The following SATB2 variants were observed in gnomAD, a reference collection of about 807,000 sequenced individuals.
SATB2 encodes DNA-binding protein SATB2.
Under a neutral mutation model 73.4 loss-of-function variants are expected in SATB2, and 1 was observed. The ratio of observed to expected loss-of-function variants is 0.01; its 90% CI spans 0.00 to 0.06. The LOEUF is 0.06. Among genes scored for constraint, SATB2 ranks in the 10% least tolerant of loss-of-function variants. The probability of loss-of-function intolerance (pLI) is 1.00; values close to 1 mark genes in which losing one functional copy is unlikely to be tolerated. For synonymous variants in SATB2, 397 were observed against 367.0 expected (o/e 1.08, Z -0.93); for missense variants, 459 against 945.8 (o/e 0.49, Z 6.75).
intron 10 of SATB2, among the ~76,000 whole-genome samples, chr2:199,275,772 TATCTTCTAGC>T (rs1266296989): frequency 6.6e-6 from 1 of 152,202 alleles, no homozygotes; most frequent in Non-Finnish European, 1.5e-5. Flanking sequence ...GGTTAAGTTA[TATCTTCTAGC>T]ATCTTCTAAC....
intron 2 of SATB2, among the ~76,000 whole-genome samples, 178 bp from the exon 3 acceptor site, chr2:199,433,692 T>C (rs896455619): frequency 1.2e-4 from 19 of 152,134 alleles, no homozygotes; most frequent in South Asian, 4.2e-4. Flanking sequence ...TCCCCCTCTA[T>C]TATTACAGAA....
chr2:199,302,627 A>T (rs1687318662), intron 10 of SATB2, among the ~76,000 whole-genome samples: 1 of 152,320 alleles, frequency 6.6e-6, no homozygotes, highest in Admixed American at 6.5e-5. Flanking sequence ...ACATTCACAC[A>T]GTAGGCTTTG....
At chr2:199,389,790 A>T (rs1432814236) in intron 3 of SATB2, among the ~76,000 whole-genome samples, 1 of 152,188 alleles carries the variant, frequency 6.6e-6, no homozygotes, top group Non-Finnish European at 1.5e-5. Flanking sequence ...TTAAAAATTA[A>T]AATTAATTTT....
intron 3 of SATB2, among the ~76,000 whole-genome samples, chr2:199,415,203 T>A (rs933643535): frequency 3.9e-5 from 6 of 152,332 alleles, no homozygotes; most frequent in African/African-American, 1.2e-4. Flanking sequence ...ACTTCACATA[T>A]GTGTGACTAC....
At chr2:199,391,452 A>AT (rs1359229640) in intron 3 of SATB2, among the ~76,000 whole-genome samples, 2 of 146,062 alleles carry the variant, frequency 1.4e-5, no homozygotes, top group Non-Finnish European at 3.0e-5. Flanking sequence ...AAAAAAAAAA[A>AT]CAAAAAACAA....
chr2:199,425,151 T>C (rs1691289046), intron 3 of SATB2, among the ~76,000 whole-genome samples: 1 of 152,226 alleles, frequency 6.6e-6, no homozygotes, highest in African/African-American at 2.4e-5. Flanking sequence ...CTTGTAGGTT[T>C]CACACTTGAA....
chr2:199,366,224 T>G (rs1043896559), intron 6 of SATB2, among the ~76,000 whole-genome samples: 7 of 152,100 alleles, frequency 4.6e-5, no homozygotes, highest in Admixed American at 3.9e-4. Flanking sequence ...GAAAAAGCCC[T>G]ATGGTAGAAT....
At chr2:199,317,702 A>G (rs1405879982) in intron 9 of SATB2, among the ~76,000 whole-genome samples, 1 of 152,024 alleles carries the variant, frequency 6.6e-6, no homozygotes, top group Non-Finnish European at 1.5e-5. Context: ...CCAATTCTTG[A>G]TCATGAGGTT....
At position 199,311,569 on chromosome 2, in the gene SATB2, T is replaced by C. The variant is rs769946338; in HGVS notation, c.1543-2612A>G. ...TCGGAAGGTGATCCTAACTCTACCT[T>C]GCTCTTCTCCTAAAGGCCGTTATTC... On this transcript the variant is annotated intron_variant, in intron 9 of 10. Coordinates refer to ENST00000417098, the MANE Select transcript of SATB2 (RefSeq NM_001172509.2). Among the ~76,000 whole-genome samples the C allele has an allele frequency of 8.2e-4, 124 of 152,102 alleles. 1 individual carries two copies. The highest frequency in any genetic ancestry group is 1.9e-4 in the Non-Finnish European group (13 of 68,014).
intron 6 of SATB2, among the ~76,000 whole-genome samples, chr2:199,355,355 T>TATATAC (rs1688949397): frequency 4.0e-5 from 1 of 25,050 alleles, no homozygotes; most frequent in African/African-American, 6.1e-5. Context: ...TATCTATATA[T>TATATAC]ATATATATAT....
At chr2:199,370,596 C>T (rs1419138442) in intron 5 of SATB2, among the ~76,000 whole-genome samples, 1 of 152,100 alleles carries the variant, frequency 6.6e-6, no homozygotes, top group Non-Finnish European at 1.5e-5. Context: ...TACTGCCTGG[C>T]ACTGTTCCTC....
chr2:199,284,655 A>AT (rs1373932955), intron 10 of SATB2, among the ~76,000 whole-genome samples: 1 of 152,008 alleles, frequency 6.6e-6, no homozygotes, highest in African/African-American at 2.4e-5. Context: ...GCATTCTATT[A>AT]TTTTTCTGTT....
At chr2:199,395,182 C>T (rs943752266) in intron 3 of SATB2, among the ~76,000 whole-genome samples, 1 of 151,938 alleles carries the variant, frequency 6.6e-6, no homozygotes, top group Non-Finnish European at 1.5e-5. Flanking sequence ...TTAGTGGGCC[C>T]CAGTTTACCT....
intron 1 of SATB2, among the ~76,000 whole-genome samples, 152 bp from the exon 2 acceptor site, chr2:199,456,248 C>T (rs762199284): frequency 2.0e-5 from 3 of 152,252 alleles, no homozygotes; most frequent in Admixed American, 2.0e-4. Flanking sequence ...GCCGGGAAGC[C>T]GGTCCCAACC....
intron 2 of SATB2, among the ~76,000 whole-genome samples, chr2:199,434,498 G>A (rs1466585953): frequency 1.3e-5 from 2 of 151,942 alleles, no homozygotes; most frequent in African/African-American, 4.8e-5. Context: ...CATAACCAAG[G>A]CAGAAGAAGA....
At chr2:199,460,994 C>A (rs945261759), upstream of SATB2, among the ~76,000 whole-genome samples, 1 of 152,022 alleles carries the variant, frequency 6.6e-6, no homozygotes, top group Non-Finnish European at 1.5e-5. The surrounding 1 kb of genome is among the most constrained non-coding windows in gnomAD (Gnocchi z 4.0). Context: ...TTGTCCATTT[C>A]TGATACTGAA....
intron 10 of SATB2, among the ~76,000 whole-genome samples, chr2:199,297,440 T>G (rs1305369261): frequency 6.6e-5 from 10 of 152,138 alleles, no homozygotes; most frequent in Non-Finnish European, 2.9e-5. Context: ...AATAGGCCAT[T>G]AGTATTCTCA....
Position 199,402,162 on chromosome 2 carries a change from G to A in SATB2, c.347-20342C>T, listed in dbSNP as rs1226678745. Among the ~76,000 whole-genome samples, 3 of 152,094 alleles carry A rather than the reference G, an allele frequency of 2.0e-5. 1 individual carries two copies. The highest frequency in any genetic ancestry group is 4.4e-5 in the Non-Finnish European group (3 of 68,012). On this transcript the variant is annotated intron_variant, in intron 3 of 10. Transcript: ENST00000417098. ...AGCACTTTGGGAGGCCGAGGCGGGT[G>A]GATCATGAGGTCAAGAGATTGAGAC...
chr2:199,331,100 C>T lies in SATB2; in HGVS notation c.1174-2190G>A, dbSNP rs142583711. Among the ~76,000 whole-genome samples, 14 of 151,922 alleles carry T rather than the reference C, an allele frequency of 9.2e-5. No homozygotes were observed. The East Asian group carries it at 1.4e-3, about 15-fold the overall frequency. ...TTTATTATGGGAAAGATTTTGGATA[C>T]GAAATAGTGACATAACAAAACTATT... is the stretch of plus-strand genomic sequence containing the variant. On this transcript the variant is annotated intron_variant, in intron 7 of 10. Transcript: ENST00000417098.
Sources: gnomAD v4.1 joint callset for allele counts (sites outside exome capture counted in the v4.1 genomes callset) on GRCh38, gnomAD v4.1.1 for gene constraint, Gnocchi (gnomAD v3.1) non-coding constraint, MANE v1.5 for transcripts, NCBI Gene and HGNC (gene_info 2026-07-23, HGNC 2026-07-21) for gene names.